Variants in CDK18 observed in about 807,000 individuals in gnomAD.
CDK18 encodes the protein cyclin-dependent kinase 18.
A neutral mutation model predicts 62.0 loss-of-function variants in CDK18; 52 were observed. That is an observed-to-expected ratio of 0.84 (90% confidence interval 0.67 to 1.06). The LOEUF (loss-of-function observed/expected upper bound fraction) is 1.06. CDK18 is among the 50% of genes least tolerant of loss of function. The pLI is 0.00. For missense variants in CDK18, 604 were observed against 619.9 expected (o/e 0.97, Z 0.27); for synonymous variants, 237 against 247.0 (o/e 0.96, Z 0.38).
At chr1:205,510,803 A>G (rs1462741124) in intron 1 of CDK18, among the ~76,000 whole-genome samples, 1 of 152,220 alleles carries the variant, frequency 6.6e-6, no homozygotes, top group Non-Finnish European at 1.5e-5. Flanking sequence ...GGATTTCCAA[A>G]GGCCCCTCTG....
intron 1 of CDK18, among the ~76,000 whole-genome samples, chr1:205,514,663 A>G (rs897562505): frequency 2.0e-5 from 3 of 152,194 alleles, no homozygotes; most frequent in African/African-American, 7.2e-5. Context: ...AAAGAGGTTT[A>G]AACAAGTCAT....
In CDK18 at chr1:205,527,893, G is replaced by A; in HGVS notation, c.829G>A (p.Gly277Arg). 6.2e-7 allele frequency: 1 copy of A among 1,614,190 alleles called. No individual in the cohort carries two copies. Among genetic ancestry groups the A allele is most frequent in the Non-Finnish European group, 8.5e-7 (1 of 1,180,032 alleles). The change falls in exon 9 of 16, where the codon GGG becomes AGG. Residue 277 changes from glycine to arginine, a missense_variant. Coordinates refer to ENST00000429964, the MANE Select transcript of CDK18 (RefSeq NM_212502.3). The surrounding 1 kb of genome is among the most constrained non-coding windows in gnomAD (Gnocchi z 4.1). ...CCAGAACCTGCTCATCAACGAGAGG[G>A]GGGAGCTGAAGCTGGCCGACTTTGG... is the stretch of plus-strand genomic sequence containing the variant. ...KPQNLLINER[G>R]ELKLADFGLA...
In CDK18 at chr1:205,532,584, G is replaced by A. The variant is rs956985899; in HGVS notation, c.*1206G>A. 2.6e-5 allele frequency: 4 copies of A among 152,470 alleles called. No homozygotes were observed. The highest frequency in any genetic ancestry group is 3.4e-3 in the Middle Eastern group (1 of 296). 9.4% of individuals were successfully genotyped at this position (152,470 alleles called of 1,614,324 possible). On this transcript the variant is annotated 3_prime_UTR_variant, in exon 16 of 16. Coordinates refer to ENST00000429964, the MANE Select transcript of CDK18 (RefSeq NM_212502.3). ...AGCCTGGGTGGCCGGGGCCCCTGAA[G>A]AAGGCTCCCCTCTGTATCCCCCAGG...
At chr1:205,521,662 G>T (rs1320480153) in intron 1 of CDK18, among the ~76,000 whole-genome samples, 1 of 152,272 alleles carries the variant, frequency 6.6e-6, no homozygotes, top group Non-Finnish European at 1.5e-5. Context: ...CAGCCATGAG[G>T]ATCAGGGCAG....
chr1:205,531,368 G>A lies in CDK18; in HGVS notation c.1415G>A (p.Ser472Asn), dbSNP rs1668728587. Reference protein sequence around the residue: ...QPGRGKNRRQSIF With the variant: ...QPGRGKNRRQNIF ...GGACGAGGGAAGAACAGGCGGCAGAGCATCTTCTGAGCCACGCCCACCTTG... is the reference window on the plus strand; with the variant it reads ...GGACGAGGGAAGAACAGGCGGCAGAACATCTTCTGAGCCACGCCCACCTTG... Residue 472 changes from serine to asparagine, a missense_variant, in exon 16 of 16, where the codon AGC becomes AAC. By Grantham distance (46) the Ser-to-Asn change is conservative. Transcript: ENST00000429964. 1 of 1,614,120 alleles carries A rather than the reference G, an allele frequency of 6.2e-7. No individual in the cohort carries two copies. The highest frequency in any genetic ancestry group is 8.5e-7 in the Non-Finnish European group (1 of 1,179,992).
intron 5 of CDK18, 40 bp downstream of exon 5, chr1:205,525,235 G>C: frequency 2.6e-6 from 4 of 1,519,216 alleles, no homozygotes; most frequent in Non-Finnish European, 3.6e-6. Context: ...TAGCCAGGCA[G>C]GATGGCTTGG....
chr1:205,523,801 C>A, intron 3 of CDK18, 176 bp downstream of exon 3: 1 of 807,642 alleles, frequency 1.2e-6, no homozygotes, highest in East Asian at 2.7e-5. Context: ...GTCTCCTTGT[C>A]TTTAAAATGG....
rs1668671683 is a variant in CDK18 at position 205,530,305 on chromosome 1, C to G, written c.1268C>G (p.Ser423Cys). Residue 423 changes from serine (S) to cysteine (C), a missense_variant, in exon 14 of 16, where the codon TCC becomes TGC. Transcript: ENST00000429964. ...TCAGCAGAGGCTGCCCTGAGTCACT[C>G]CTACTTCCGGTCTCTGGGAGAGCGT... Reference protein sequence around the residue: ...RMSAEAALSHSYFRSLGERVH... With the variant: ...RMSAEAALSHCYFRSLGERVH... 6.2e-7 allele frequency: 1 copy of G among 1,613,366 alleles called. No homozygotes were observed.
At position 205,528,090 on chromosome 1, in the gene CDK18, A is replaced by C. The variant is rs757782838; in HGVS notation, c.896A>C (p.Asn299Thr). The change falls in exon 10 of 16, where the codon AAT (asparagine) becomes ACT (threonine). Residue 299 changes from asparagine to threonine, a missense_variant. Physicochemically the swap from Asn to Thr is moderately conservative, Grantham distance 65. Transcript: ENST00000429964. This position sits in a 1 kb window ranked among gnomAD's most constrained non-coding sequence, Gnocchi z 4.2. Reference sequence around the variant, plus strand: ...TCAGTGCCCACAAAGACTTACTCCAATGAGGTGGTGACCCTGTGGTACAGG... The same window carrying C: ...TCAGTGCCCACAAAGACTTACTCCACTGAGGTGGTGACCCTGTGGTACAGG... ...AKSVPTKTYSNEVVTLWYRPP... is the reference protein window; with the variant it reads ...AKSVPTKTYSTEVVTLWYRPP... 4 of 1,614,036 alleles carry C rather than the reference A, an allele frequency of 2.5e-6. No individual in the cohort carries two copies. Among genetic ancestry groups the C allele is most frequent in the Non-Finnish European group, 2.5e-6 (3 of 1,180,014 alleles).
chr1:205,523,093 C>G, intron 1 of CDK18, 54 bp from the exon 2 acceptor site: 2 of 1,541,052 alleles, frequency 1.3e-6, no homozygotes, highest in Non-Finnish European at 1.8e-6. Context: ...GGGTGGAGAC[C>G]TGGACTGGTT....
At chr1:205,508,107 G>A (rs1295607404) in intron 1 of CDK18, among the ~76,000 whole-genome samples, 1 of 152,230 alleles carries the variant, frequency 6.6e-6, no homozygotes, top group South Asian at 2.1e-4. Context: ...CTGTTGTTCA[G>A]GGTGAGTGGC....
chr1:205,527,707 C>A lies in CDK18; in HGVS notation c.730-87C>A. 1 of 1,338,170 alleles carries A rather than the reference C, an allele frequency of 7.5e-7. No homozygotes were observed. Among genetic ancestry groups the A allele is most frequent in the Non-Finnish European group, 1.1e-6 (1 of 945,108 alleles). The allele number at this position is 1,338,170 out of a possible 1,614,324, so 82.9% of individuals were successfully genotyped here. A position where few individuals can be genotyped will look rare whatever the true frequency, so the allele number is the denominator to read the frequency against. The stretch of plus-strand genomic sequence containing the variant: ...GAGGGGCTTGTGCTGACCTCACTGC[C>A]AAGCCCCTGCCCCCATCCTGGTCCC... On this transcript the variant is annotated intron_variant, in intron 8 of 15. Transcript: ENST00000429964. The surrounding 1 kb of genome is among the most constrained non-coding windows in gnomAD (Gnocchi z 4.1).
chr1:205,529,931 G>A (rs548329855), intron 13 of CDK18: 3 of 1,384,648 alleles, frequency 2.2e-6, no homozygotes, highest in Non-Finnish European at 2.8e-6. Context: ...CACGATGAAG[G>A]GTTGTTATCG....
At chr1:205,530,120 G>C (rs1361900542) in intron 13 of CDK18, 139 bp from the exon 14 acceptor site, 5 of 1,485,564 alleles carry the variant, frequency 3.4e-6, no homozygotes, top group Non-Finnish European at 4.5e-6. Context: ...TGTGGTAGGG[G>C]CTGGAGGCTG....
chr1:205,512,233 C>G (rs996151254), intron 1 of CDK18, among the ~76,000 whole-genome samples: 7 of 152,132 alleles, frequency 4.6e-5, no homozygotes, highest in African/African-American at 1.4e-4. Context: ...ACCCAGGAAG[C>G]ATGCCCAGAG....
At chr1:205,525,090 A>G (rs939846581) in intron 4 of CDK18, 49 bp from the exon 5 acceptor site, 6 of 1,339,272 alleles carry the variant, frequency 4.5e-6, no homozygotes, top group African/African-American at 1.4e-5. Context: ...ATGTCTGTGG[A>G]GCTGCTAAGG....
chr1:205,507,860 G>A (rs372412020), intron 1 of CDK18, among the ~76,000 whole-genome samples: 2 of 152,162 alleles, frequency 1.3e-5, no homozygotes, highest in African/African-American at 4.8e-5. Flanking sequence ...AGGGAGGAGG[G>A]CTCTGTGTAA....
intron 13 of CDK18, chr1:205,530,019 T>G: frequency 7.1e-7 from 1 of 1,410,622 alleles, no homozygotes; most frequent in African/African-American, 1.4e-5. Flanking sequence ...CAAGAGAAGG[T>G]CACTCTCCTG....
At chr1:205,520,831 C>T (rs1668084818) in intron 1 of CDK18, among the ~76,000 whole-genome samples, 1 of 152,164 alleles carries the variant, frequency 6.6e-6, no homozygotes, top group African/African-American at 2.4e-5. Flanking sequence ...CACTGGGACC[C>T]ACACCCCCTG....
Sources: gnomAD v4.1 joint callset for allele counts (sites outside exome capture counted in the v4.1 genomes callset) on GRCh38, gnomAD v4.1.1 for gene constraint, Gnocchi (gnomAD v3.1) non-coding constraint, MANE v1.5 for transcripts, NCBI Gene and HGNC (gene_info 2026-07-23, HGNC 2026-07-21) for gene names.